Variants in MARCHF1 observed in about 807,000 individuals in gnomAD.
MARCHF1 encodes the protein E3 ubiquitin-protein ligase MARCHF1.
MARCHF1 carries 40 observed loss-of-function variants against 54.2 expected under a neutral mutation model. That is an observed-to-expected ratio of 0.74 (90% CI 0.57 to 0.96). The LOEUF is 0.96. MARCHF1 is among the 40% of genes least tolerant of loss of function. The pLI is 0.00. For synonymous variants in MARCHF1, 236 were observed against 236.3 expected, an observed-to-expected ratio of 1.00 and a Z score of 0.01; for missense variants, 586 against 656.5, an observed-to-expected ratio of 0.89 and a Z score of 1.17.
At chr4:164,309,066 T>C (rs922682397) in intron 1 of MARCHF1, among the ~76,000 whole-genome samples, 3 of 151,840 alleles carry the variant, frequency 2.0e-5, no homozygotes, top group African/African-American at 7.3e-5. Context: ...AGTAGATAGA[T>C]GATTGATAGG....
intron 1 of MARCHF1, among the ~76,000 whole-genome samples, chr4:164,255,799 TA>T (rs1173301706): frequency 6.6e-6 from 1 of 152,166 alleles, no homozygotes; most frequent in East Asian, 1.9e-4. Context: ...CAACAAATTA[TA>T]AATCATATTT....
chr4:163,589,350 A>G (rs1740511160), intron 7 of MARCHF1, among the ~76,000 whole-genome samples: 1 of 152,112 alleles, frequency 6.6e-6, no homozygotes, highest in Non-Finnish European at 1.5e-5. Context: ...CACTAACAAC[A>G]TCATTTTCTC....
At chr4:163,758,543 C>T (rs1242113924) in intron 4 of MARCHF1, among the ~76,000 whole-genome samples, 2 of 152,188 alleles carry the variant, frequency 1.3e-5, no homozygotes, top group African/African-American at 2.4e-5. Context: ...GAGTGTTTAG[C>T]TGTCTTTTCC....
intron 1 of MARCHF1, among the ~76,000 whole-genome samples, chr4:164,343,945 T>C (rs986537324): frequency 6.6e-6 from 1 of 152,166 alleles, no homozygotes. Context: ...CACAGCATTA[T>C]TCACAATCAC....
At chr4:164,252,082 A>T (rs1009502705) in intron 1 of MARCHF1, among the ~76,000 whole-genome samples, 12 of 152,184 alleles carry the variant, frequency 7.9e-5, no homozygotes, top group African/African-American at 2.7e-4. Flanking sequence ...CTGCCTACAT[A>T]TGAGTATTTA....
At chr4:163,917,107 CTT>C (rs375569584) in intron 3 of MARCHF1, among the ~76,000 whole-genome samples, 164 of 152,240 alleles carry the variant, frequency 1.1e-3, no homozygotes, top group Admixed American at 1.8e-3. Context: ...AGTATGTAGT[CTT>C]TTCAGATTGC....
At chr4:163,731,689 G>A (rs572964304) in intron 4 of MARCHF1, among the ~76,000 whole-genome samples, 212 of 152,280 alleles carry the variant, frequency 1.4e-3, no homozygotes, top group African/African-American at 4.9e-3. Context: ...TCACATATAT[G>A]TGAAGAAACT....
intron 9 of MARCHF1, among the ~76,000 whole-genome samples, chr4:163,529,457 G>A (rs901800512): frequency 1.3e-5 from 2 of 151,952 alleles, no homozygotes; most frequent in Non-Finnish European, 2.9e-5. Flanking sequence ...TGAGGTATAG[G>A]TACATGTATG....
At chr4:163,842,212 T>C (rs1749360454) in intron 4 of MARCHF1, among the ~76,000 whole-genome samples, 1 of 152,148 alleles carries the variant, frequency 6.6e-6, no homozygotes, top group Non-Finnish European at 1.5e-5. Flanking sequence ...AGCCATATCA[T>C]GTATATGTGG....
At chr4:164,381,690 C>T (rs1327752934) in intron 1 of MARCHF1, among the ~76,000 whole-genome samples, 1 of 152,138 alleles carries the variant, frequency 6.6e-6, no homozygotes. Context: ...GTGTACACCC[C>T]ATCATGTAAG....
At chr4:163,715,369 C>T (rs1009621713) in intron 4 of MARCHF1, among the ~76,000 whole-genome samples, 3 of 152,114 alleles carry the variant, frequency 2.0e-5, no homozygotes, top group African/African-American at 7.2e-5. Context: ...CCTCAGCCTC[C>T]CGAGTAGCTG....
chr4:164,279,317 A>T (rs1193082520), intron 1 of MARCHF1, among the ~76,000 whole-genome samples: 2 of 151,506 alleles, frequency 1.3e-5, no homozygotes, highest in East Asian at 1.9e-4. Flanking sequence ...ACTAGGAAAA[A>T]ACAAGGGAAA....
intron 3 of MARCHF1, among the ~76,000 whole-genome samples, chr4:163,873,106 CAT>C (rs1321522237): frequency 2.6e-5 from 4 of 152,152 alleles, no homozygotes; most frequent in Non-Finnish European, 5.9e-5. Flanking sequence ...ATGATGAAGT[CAT>C]AGTTTTGTTA....
At chr4:164,220,267 C>T (rs1732055418) in intron 1 of MARCHF1, among the ~76,000 whole-genome samples, 1 of 144,780 alleles carries the variant, frequency 6.9e-6, no homozygotes, top group Admixed American at 7.2e-5. Context: ...TATACACATA[C>T]ATATGTATAT....
Position 163,932,861 on chromosome 4 carries a change from G to T in MARCHF1, c.-39+55640C>A, listed in dbSNP as rs1041039623. On this transcript the variant is annotated intron_variant, in intron 3 of 9. Transcript: ENST00000514618. ...CCAATGCAACTAATCCAGAGAGTGG[G>T]GTCTTCTATCTGAAAATGAAGGGTG... is the stretch of plus-strand genomic sequence containing the variant. 1.6e-5 allele frequency: 10 copies of T among 628,466 alleles called. No homozygotes were observed. The African/African-American group carries it at 1.6e-4, about 10-fold the overall frequency. The allele number at this position is 628,466 out of a possible 1,614,324, so 38.9% of individuals were successfully genotyped here. A position where few individuals can be genotyped will look rare whatever the true frequency, so the allele number is the denominator to read the frequency against.
intron 2 of MARCHF1, among the ~76,000 whole-genome samples, chr4:164,017,251 C>T (rs1281298594): frequency 2.0e-5 from 3 of 151,922 alleles, no homozygotes; most frequent in Non-Finnish European, 2.9e-5. Flanking sequence ...GCTTTCCCTG[C>T]AACATTAGGA....
chr4:163,606,196 T>C (rs1355777400), intron 7 of MARCHF1, among the ~76,000 whole-genome samples: 1 of 152,110 alleles, frequency 6.6e-6, no homozygotes, highest in African/African-American at 2.4e-5. Flanking sequence ...TCTTCCTCTT[T>C]TAAAGAAACC....
chr4:164,200,725 T>A (rs1731428320), intron 1 of MARCHF1, among the ~76,000 whole-genome samples: 1 of 152,132 alleles, frequency 6.6e-6, no homozygotes, highest in Non-Finnish European at 1.5e-5. Context: ...GGTATCCTAG[T>A]AAGAGTAAAG....
intron 5 of MARCHF1, among the ~76,000 whole-genome samples, chr4:163,648,682 T>G (rs1340339590): frequency 1.5e-5 from 2 of 136,310 alleles, no homozygotes; most frequent in Non-Finnish European, 3.1e-5. Flanking sequence ...GAGCTGAAAA[T>G]TATCATGGAG....
Sources: allele counts gnomAD v4.1 joint callset (sites outside exome capture counted in the v4.1 genomes callset), GRCh38; gene constraint gnomAD v4.1.1; transcripts MANE v1.5; gene names NCBI Gene and HGNC (gene_info 2026-07-23, HGNC 2026-07-21).